FGF14: variants seen among roughly 807,000 people sequenced by gnomAD.
FGF14 encodes fibroblast growth factor 14, also known as fibroblast growth factor homologous factor 4.
In FGF14, 5 loss-of-function variants were observed where a neutral mutation model predicts 25.5. The ratio of observed to expected loss-of-function variants is 0.20; its 90% confidence interval spans 0.10 to 0.41. The LOEUF is 0.41. Among genes scored for constraint, FGF14 ranks in the 10% least tolerant of loss-of-function variants. FGF14 has a pLI of 1.00. For missense variants in FGF14, 222 were observed against 320.1 expected (o/e 0.69, Z 2.34); for synonymous variants, 138 against 118.3 (o/e 1.17, Z -1.08).
In FGF14 at chr13:102,016,412, T is replaced by C. The variant is rs1031858044; in HGVS notation, c.209-141116A>G. On this transcript the variant is annotated intron_variant, in intron 1 of 4. Coordinates refer to the FGF14 transcript ENST00000376131. ...GCCACTTAGAACAAACAAGGAATAA[T>C]GTGAGACAACTGAGATTAGTTAATT... Among the ~76,000 whole-genome samples, 24 of 152,248 alleles carry C rather than the reference T, an allele frequency of 1.6e-4. No homozygotes were observed. The South Asian group carries it at 2.7e-3, about 17-fold the overall frequency.
At chr13:101,997,792 T>C (rs1236367022) in intron 1 of FGF14, among the ~76,000 whole-genome samples, 1 of 152,168 alleles carries the variant, frequency 6.6e-6, no homozygotes, top group South Asian at 2.1e-4. Context: ...ATAGAAGAGA[T>C]TACTGTTCGT....
chr13:102,037,749 C>T (rs1485841787), intron 1 of FGF14, among the ~76,000 whole-genome samples: 1 of 152,154 alleles, frequency 6.6e-6, no homozygotes, highest in Non-Finnish European at 1.5e-5. Flanking sequence ...ATCAGTTGCA[C>T]ATTAACCGTT....
At chr13:102,206,092 C>A (rs1306945444) in intron 1 of FGF14, among the ~76,000 whole-genome samples, 1 of 129,334 alleles carries the variant, frequency 7.7e-6, no homozygotes, top group African/African-American at 2.7e-5. Flanking sequence ...GGAATGGAAA[C>A]AAAGCATTTA....
chr13:102,134,950 G>A (rs1471268098), intron 1 of FGF14, among the ~76,000 whole-genome samples: 5 of 151,772 alleles, frequency 3.3e-5, no homozygotes, highest in Non-Finnish European at 5.9e-5. Context: ...CTGGGAGGCC[G>A]AAGTAGAGGG....
intron 1 of FGF14, among the ~76,000 whole-genome samples, chr13:102,297,137 T>C (rs1487363080): frequency 6.6e-6 from 1 of 152,112 alleles, no homozygotes; most frequent in African/African-American, 2.4e-5. Context: ...TGGGAAAAGG[T>C]GGCATTTTAC....
At chr13:101,942,145 G>A (rs754396688) in intron 1 of FGF14, among the ~76,000 whole-genome samples, 20 of 152,062 alleles carry the variant, frequency 1.3e-4, no homozygotes, top group Non-Finnish European at 2.6e-4. Context: ...ACCCTTACCT[G>A]AGAATACATC....
intron 1 of FGF14, among the ~76,000 whole-genome samples, chr13:102,385,659 A>G (rs2058284839): frequency 6.6e-6 from 1 of 152,218 alleles, no homozygotes; most frequent in Non-Finnish European, 1.5e-5. Flanking sequence ...ACCCACTTCT[A>G]AGCTATTTAT....
intron 1 of FGF14, among the ~76,000 whole-genome samples, chr13:102,057,701 G>C (rs2140088059): frequency 6.6e-6 from 1 of 152,244 alleles, no homozygotes; most frequent in Admixed American, 6.5e-5. Flanking sequence ...TTTGTTGACA[G>C]TAATTTCTTA....
chr13:101,788,965 G>C (rs56314353), intron 3 of FGF14, among the ~76,000 whole-genome samples: 14,861 of 77,380 alleles, frequency 0.19, 1,014 homozygotes, highest in Non-Finnish European at 0.31. Context: ...GAGAGAGAGA[G>C]AGAGACAGAG....
At chr13:102,257,996 T>C (rs1306785851) in intron 1 of FGF14, among the ~76,000 whole-genome samples, 15 of 152,190 alleles carry the variant, frequency 9.9e-5, no homozygotes, top group Admixed American at 9.8e-4. Flanking sequence ...AAATGTTTAA[T>C]GGACTCACAG....
intron 1 of FGF14, among the ~76,000 whole-genome samples, chr13:102,378,447 A>G (rs575772982): frequency 1.5e-4 from 23 of 152,330 alleles, no homozygotes; most frequent in South Asian, 6.2e-4. Flanking sequence ...TTAAAATACT[A>G]TACAAATAAA....
At chr13:101,754,252 G>A (rs911837032) in intron 3 of FGF14, among the ~76,000 whole-genome samples, 1 of 152,126 alleles carries the variant, frequency 6.6e-6, no homozygotes, top group Admixed American at 6.5e-5. Flanking sequence ...TATGGACAAA[G>A]GAGCCATCCA....
chr13:101,814,833 C>T (rs2041757478), intron 3 of FGF14, among the ~76,000 whole-genome samples: 1 of 152,180 alleles, frequency 6.6e-6, no homozygotes, highest in African/African-American at 2.4e-5. Flanking sequence ...GTTGGGCTTA[C>T]TATGAATAAT....
intron 1 of FGF14, among the ~76,000 whole-genome samples, chr13:101,967,077 C>T (rs1259314184): frequency 6.6e-6 from 1 of 152,152 alleles, no homozygotes. Flanking sequence ...CAGCACAAAG[C>T]TAGCATCTCT....
intron 1 of FGF14, among the ~76,000 whole-genome samples, chr13:102,248,120 T>C (rs2051978468): frequency 6.6e-6 from 1 of 151,732 alleles, no homozygotes; most frequent in African/African-American, 2.4e-5. Flanking sequence ...AGAGGAACAG[T>C]AAAAAAGCAA....
At chr13:101,943,209 A>G (rs113446042) in intron 1 of FGF14, among the ~76,000 whole-genome samples, 37 of 152,302 alleles carry the variant, frequency 2.4e-4, no homozygotes, top group African/African-American at 8.2e-4. Context: ...TGAAACTACT[A>G]GGTTCACTCT....
intron 3 of FGF14, among the ~76,000 whole-genome samples, chr13:101,811,666 A>G (rs563249170): frequency 6.6e-6 from 1 of 152,356 alleles, no homozygotes; most frequent in East Asian, 1.9e-4. Context: ...TGGCAAGATT[A>G]TGTCTAGTTT....
intron 1 of FGF14, among the ~76,000 whole-genome samples, chr13:102,331,653 A>G (rs2056635720): frequency 6.6e-6 from 1 of 152,200 alleles, no homozygotes; most frequent in Non-Finnish European, 1.5e-5. Flanking sequence ...GAACAAGGTG[A>G]AATAAAATAA....
chr13:102,157,130 C>T (rs895414220), intron 1 of FGF14, among the ~76,000 whole-genome samples: 3 of 152,192 alleles, frequency 2.0e-5, no homozygotes, highest in Non-Finnish European at 4.4e-5. Flanking sequence ...CTACCAATGA[C>T]TTTCTTCACA....
Sources: allele counts gnomAD v4.1 joint callset (sites outside exome capture counted in the v4.1 genomes callset), GRCh38; gene constraint gnomAD v4.1.1; transcripts MANE v1.5; gene names NCBI Gene and HGNC (gene_info 2026-07-23, HGNC 2026-07-21).